The following EXT1 variants were observed in gnomAD, a reference collection of about 807,000 sequenced individuals.
EXT1 encodes exostosin glycosyltransferase 1.
Under a neutral mutation model 82.5 loss-of-function variants are expected in EXT1, and 20 were observed. The ratio of observed to expected loss-of-function variants is 0.24; its 90% CI spans 0.17 to 0.35. The LOEUF (loss-of-function observed/expected upper bound fraction) is 0.35. EXT1 is among the 10% of genes least tolerant of loss of function. The pLI is 1.00. For missense variants in EXT1, 757 were observed against 936.5 expected (o/e 0.81, Z 2.50); for synonymous variants, 348 against 350.8 (o/e 0.99, Z 0.09).
intron 1 of EXT1, among the ~76,000 whole-genome samples, chr8:117,857,385 A>G (rs1812583546): frequency 6.6e-6 from 1 of 152,072 alleles, no homozygotes; most frequent in Non-Finnish European, 1.5e-5. Flanking sequence ...GCAAGACCTC[A>G]TCTCTATAAT....
chr8:117,903,778 C>A (rs991022155), intron 1 of EXT1, among the ~76,000 whole-genome samples: 5 of 152,156 alleles, frequency 3.3e-5, no homozygotes, highest in African/African-American at 9.7e-5. Flanking sequence ...TCAATACCAA[C>A]ATGTTAGTGT....
chr8:117,971,818 T>C (rs986501750), intron 1 of EXT1, among the ~76,000 whole-genome samples: 1 of 152,138 alleles, frequency 6.6e-6, no homozygotes, highest in African/African-American at 2.4e-5. Flanking sequence ...AATTTTTTAG[T>C]TATATGCCAA....
chr8:117,962,768 CCCA>C (rs199986474), intron 1 of EXT1, among the ~76,000 whole-genome samples: 61 of 146,204 alleles, frequency 4.2e-4, no homozygotes, highest in African/African-American at 1.6e-3. Context: ...ACCCCCCACC[CCCA>C]AAAAAAAGAG....
At chr8:118,045,437 C>T (rs1199143300) in intron 1 of EXT1, among the ~76,000 whole-genome samples, 1 of 152,188 alleles carries the variant, frequency 6.6e-6, no homozygotes, top group Admixed American at 6.5e-5. Context: ...TTCACGCTCT[C>T]AAACCAGTAA....
intron 1 of EXT1, among the ~76,000 whole-genome samples, chr8:117,943,569 C>T (rs17504757): frequency 0.057 from 8,728 of 152,218 alleles, 876 homozygotes; most frequent in African/African-American, 0.2. Flanking sequence ...GATGATATTC[C>T]TGCAAAAGAA....
At chr8:118,066,050 ATC>A (rs1278504045) in intron 1 of EXT1, among the ~76,000 whole-genome samples, 1 of 152,206 alleles carries the variant, frequency 6.6e-6, no homozygotes, top group African/African-American at 2.4e-5. Context: ...CAGCTATCAC[ATC>A]TGTTTGAAAA....
At chr8:117,878,660 C>T (rs1379818695) in intron 1 of EXT1, among the ~76,000 whole-genome samples, 1 of 152,224 alleles carries the variant, frequency 6.6e-6, no homozygotes, top group Non-Finnish European at 1.5e-5. Flanking sequence ...CTAGAACAAC[C>T]AATCTCTGCA....
chr8:117,978,599 C>G (rs1194401499), intron 1 of EXT1, among the ~76,000 whole-genome samples: 2 of 152,094 alleles, frequency 1.3e-5, no homozygotes, highest in East Asian at 3.9e-4. Flanking sequence ...TCTGGATGAC[C>G]TATATAGGAA....
At chr8:118,039,674 T>C (rs1816493266) in intron 1 of EXT1, among the ~76,000 whole-genome samples, 1 of 152,024 alleles carries the variant, frequency 6.6e-6, no homozygotes, top group Admixed American at 6.6e-5. Context: ...TGATGAATTA[T>C]TTTTACTGAT....
intron 1 of EXT1, among the ~76,000 whole-genome samples, chr8:117,960,420 C>T (rs765899962): frequency 6.6e-6 from 1 of 152,148 alleles, no homozygotes; most frequent in Non-Finnish European, 1.5e-5. Flanking sequence ...AAAGCTCCAA[C>T]CTTAATGGAC....
chr8:118,021,158 A>C (rs565325225), intron 1 of EXT1, among the ~76,000 whole-genome samples: 1 of 152,342 alleles, frequency 6.6e-6, no homozygotes, highest in South Asian at 2.1e-4. Context: ...AATTTTTAAA[A>C]GAGGGAGGCT....
intron 5 of EXT1, 62 bp downstream of exon 5, chr8:117,822,402 CT>C: frequency 1.3e-6 from 2 of 1,586,270 alleles, no homozygotes; most frequent in South Asian, 1.1e-5. Flanking sequence ...GAATAAAGGC[CT>C]TTAGTTCTGT....
intron 1 of EXT1, among the ~76,000 whole-genome samples, chr8:118,015,900 A>G (rs1224145449): frequency 6.6e-6 from 1 of 152,218 alleles, no homozygotes; most frequent in Non-Finnish European, 1.5e-5. Flanking sequence ...ACAGACACAG[A>G]GGGAAGATGG....
At chr8:117,924,454 G>T (rs968850193) in intron 1 of EXT1, among the ~76,000 whole-genome samples, 1 of 152,194 alleles carries the variant, frequency 6.6e-6, no homozygotes, top group African/African-American at 2.4e-5. Flanking sequence ...AAAAGAAAAT[G>T]ATCTGTTTAC....
intron 1 of EXT1, among the ~76,000 whole-genome samples, chr8:118,078,898 C>T (rs964108586): frequency 6.6e-6 from 1 of 152,140 alleles, no homozygotes; most frequent in African/African-American, 2.4e-5. Flanking sequence ...GAATTCCATT[C>T]AAATATTAAG....
intron 1 of EXT1, among the ~76,000 whole-genome samples, chr8:118,108,911 A>C (rs1158018632): frequency 6.6e-6 from 1 of 151,998 alleles, no homozygotes; most frequent in Non-Finnish European, 1.5e-5. Flanking sequence ...TTCCTCTTGT[A>C]CTCAGCTGAG....
chr8:117,828,558 A>G (rs1201272937), intron 4 of EXT1, among the ~76,000 whole-genome samples: 1 of 152,154 alleles, frequency 6.6e-6, no homozygotes, highest in Non-Finnish European at 1.5e-5. Context: ...AAACAATAAC[A>G]TTCAACATTC....
chr8:118,052,667 T>C (rs188251322), intron 1 of EXT1, among the ~76,000 whole-genome samples: 1 of 152,238 alleles, frequency 6.6e-6, no homozygotes, highest in Non-Finnish European at 1.5e-5. Context: ...AAAGAAGTAC[T>C]AGTCCAAATG....
chr8:118,002,471 C>T (rs183885115), intron 1 of EXT1, among the ~76,000 whole-genome samples: 4 of 148,572 alleles, frequency 2.7e-5, no homozygotes, highest in African/African-American at 4.9e-5. Context: ...GAGATTTACA[C>T]TGTTGGTGGG....
Sources: allele counts gnomAD v4.1 joint callset (sites outside exome capture counted in the v4.1 genomes callset), GRCh38; gene constraint gnomAD v4.1.1; transcripts MANE v1.5; gene names NCBI Gene and HGNC (gene_info 2026-07-23, HGNC 2026-07-21).